GPR135: variants seen among roughly 807,000 people sequenced by gnomAD.
The protein encoded by GPR135 is G protein-coupled receptor 135.
In GPR135, 17 loss-of-function variants were observed where a neutral mutation model predicts 15.0. The ratio of observed to expected loss-of-function variants is 1.13; its 90% CI spans 0.78 to 1.70. The LOEUF (loss-of-function observed/expected upper bound fraction) is 1.70. GPR135 is among the 40% of genes most tolerant of loss of function. The pLI, the probability that GPR135 is intolerant of heterozygous loss-of-function variation, is 0.00. For missense variants in GPR135, 776 were observed against 727.0 expected, an observed-to-expected ratio of 1.07 and a Z score of -0.78; for synonymous variants, 368 against 349.4, an observed-to-expected ratio of 1.05 and a Z score of -0.59.
chr14:59,459,790 G>C (rs185846826), downstream of GPR135, among the ~76,000 whole-genome samples: 349 of 152,342 alleles, frequency 2.3e-3, 1 homozygote, highest in Non-Finnish European at 3.5e-3. Context: ...TCTCAAGTGA[G>C]AGATTACGGC....
rs539885043 is a variant in GPR135 at position 59,464,776 on chromosome 14, G to T, written c.451C>A (p.Leu151Ile). Residue 151 changes from leucine to isoleucine, a missense_variant, in exon 1 of 1, where the codon CTC (leucine) becomes ATC (isoleucine). Physicochemically the swap from Leu to Ile is conservative, Grantham distance 5. Transcript: ENST00000395116. ...FILSLSLSDLLTALLCLPAAF... is the reference protein window; with the variant it reads ...FILSLSLSDLITALLCLPAAF... ...GCGGGCAGGCAGAGCAGCGCCGTGA[G>T]CAGATCCGATAGGGACAGCGACAGG... 5.1e-6 allele frequency: 8 copies of T among 1,572,188 alleles called. No individual in the cohort carries two copies. The South Asian group carries it at 9.3e-5, about 18-fold the overall frequency.
chr14:59,463,582 G>A lies in GPR135; in HGVS notation c.*160C>T, dbSNP rs537368793. 1.5e-6 allele frequency: 1 copy of A among 671,404 alleles called. No homozygotes were observed. Among genetic ancestry groups the A allele is most frequent in the South Asian group, 2.2e-5 (1 of 44,620 alleles). The allele number at this position is 671,404 out of a possible 1,614,324, so 41.6% of individuals were successfully genotyped here. ...ATTCCTTTTGGCACTTTTGAAGAAG[G>A]GACATTGTCTTTTATGTTGTTTGGG... On this transcript the variant is annotated 3_prime_UTR_variant, in exon 1 of 1. Transcript: ENST00000395116.
chr14:59,453,339 T>A (rs1331570936), intron 6 of GPR135, among the ~76,000 whole-genome samples: 1 of 152,138 alleles, frequency 6.6e-6, no homozygotes, highest in Non-Finnish European at 1.5e-5. Flanking sequence ...GGGCAAAGAA[T>A]AAATGGGAAA....
At position 59,462,341 on chromosome 14, in the gene GPR135, G is replaced by A. The variant is rs528307101; in HGVS notation, c.*1401C>T. On this transcript the variant is annotated 3_prime_UTR_variant, in exon 1 of 1. Coordinates refer to ENST00000395116, the MANE Select transcript of GPR135 (RefSeq NM_022571.6). ...TGAGTAAATGATTCTGTGTATAGTC[G>A]TATTTAACATTAGAAAGTTCACATA... The A allele has an allele frequency of 6.5e-4, 99 of 152,252 alleles. No individual in the cohort carries two copies. Among genetic ancestry groups the A allele is most frequent in the Admixed American group, 3.7e-3 (56 of 15,300 alleles). 9.4% of individuals were successfully genotyped at this position (152,252 alleles called of 1,614,324 possible).
intron 6 of GPR135, among the ~76,000 whole-genome samples, chr14:59,454,014 ATAAT>A (rs1279903161): frequency 3.3e-5 from 5 of 152,220 alleles, no homozygotes; most frequent in African/African-American, 1.2e-4. Flanking sequence ...CTATGATGTG[ATAAT>A]TAATATTGAG....
rs1343502048 is a variant in GPR135, at chr14:59,465,043, C to G, written c.184G>C (p.Gly62Arg). Reference protein sequence around the residue: ...LGNLSDASGGGTAAAPGGGGL... With the variant: ...LGNLSDASGGRTAAAPGGGGL... The stretch of plus-strand genomic sequence containing the variant: ...CCGCCACCGGGAGCGGCAGCTGTGC[C>G]GCCTCCGCTTGCGTCGCTCAGGTTC... Residue 62 changes from glycine (G) to arginine (R), a missense_variant, in exon 1 of 1, where the codon GGC becomes CGC. Transcript: ENST00000395116. The G allele has an allele frequency of 7.4e-7, 1 of 1,348,274 alleles. No homozygotes were observed. The highest frequency in any genetic ancestry group is 9.5e-7 in the Non-Finnish European group (1 of 1,052,946). The allele number at this position is 1,348,274 out of a possible 1,614,324, so 83.5% of individuals were successfully genotyped here. A position where few individuals can be genotyped will look rare whatever the true frequency, so the allele number is the denominator to read the frequency against.
At position 59,455,070 on chromosome 14, in the gene GPR135, G is replaced by A. The variant is rs530691299; in HGVS notation, c.*874+614C>T. Among the ~76,000 whole-genome samples the A allele has an allele frequency of 8.6e-5, 13 of 151,862 alleles. No individual in the cohort carries two copies. In the South Asian group the frequency reaches 1.9e-3, roughly 22 times the overall value. On this transcript the variant is annotated intron_variant and NMD_transcript_variant, in intron 6 of 6. Coordinates refer to the GPR135 transcript ENST00000481661. ...AGCCAAGATCGCACCACTGCACTCC[G>A]GCCTGGTGACAGAGTGAGACTCCAT... is the stretch of plus-strand genomic sequence containing the variant.
chr14:59,460,115 T>C (rs903088456), downstream of GPR135, among the ~76,000 whole-genome samples: 2 of 151,994 alleles, frequency 1.3e-5, no homozygotes, highest in Non-Finnish European at 2.9e-5. Context: ...AAGGAGTGAG[T>C]TGACAAGTGA....
downstream of GPR135, among the ~76,000 whole-genome samples, chr14:59,457,136 C>A (rs28684596): frequency 1.3e-5 from 2 of 152,194 alleles, no homozygotes; most frequent in Non-Finnish European, 2.9e-5. Flanking sequence ...TATCCCTCTA[C>A]CTTCCGGCCT....
At chr14:59,458,407 G>A (rs892851335), downstream of GPR135, among the ~76,000 whole-genome samples, 1 of 152,150 alleles carries the variant, frequency 6.6e-6, no homozygotes, top group Admixed American at 6.5e-5. Flanking sequence ...CTGTGGTTTA[G>A]CTTCTATCTC....
At position 59,464,453 on chromosome 14, in the gene GPR135, G is replaced by A. The variant is rs1274887433; in HGVS notation, c.774C>T (p.Ser258=). 3 of 1,554,982 alleles carry A rather than the reference G, an allele frequency of 1.9e-6. No individual in the cohort carries two copies. In the Admixed American group the frequency reaches 5.7e-5, roughly 30 times the overall value. Residue 258 remains serine (S), a synonymous_variant, in exon 1 of 1, where the codon AGC becomes AGT. Coordinates refer to ENST00000395116, the MANE Select transcript of GPR135 (RefSeq NM_022571.6). The stretch of plus-strand genomic sequence containing the variant: ...AGGTCCGGTAGAGGCAGCCGTGGAA[G>A]CTCTGCGCCGCCGCGAGTTCCCGGG... ...GAPRELAAAQ[S]FHGCLYRTSP...
chr14:59,463,995 A>T lies in GPR135; in HGVS notation c.1232T>A (p.Val411Glu). The part of the protein sequence containing the change: ...NREEGYRTRN[V>E]DAFLPSQGPG... ...GCCCTGGCTGGGCAGGAAAGCGTCCACATTCCTAGTCCGGTAGCCCTCCTC... is the reference window on the plus strand; with the variant it reads ...GCCCTGGCTGGGCAGGAAAGCGTCCTCATTCCTAGTCCGGTAGCCCTCCTC... The change falls in exon 1 of 1, where the codon GTG becomes GAG. Residue 411 changes from valine (V) to glutamate (E), a missense_variant. Physicochemically the swap from Val to Glu is moderately radical, Grantham distance 121. Transcript: ENST00000395116. 1 of 1,614,038 alleles carries T rather than the reference A, an allele frequency of 6.2e-7. No individual in the cohort carries two copies. Among genetic ancestry groups the T allele is most frequent in the Non-Finnish European group, 8.5e-7 (1 of 1,180,030 alleles).
chr14:59,456,697 T>G (rs1888667288), downstream of GPR135, among the ~76,000 whole-genome samples: 1 of 152,218 alleles, frequency 6.6e-6, no homozygotes, highest in Admixed American at 6.5e-5. Context: ...AGTATTATTT[T>G]CCAATAGTAT....
At chr14:59,459,249 G>A (rs1888770135), downstream of GPR135, among the ~76,000 whole-genome samples, 1 of 152,152 alleles carries the variant, frequency 6.6e-6, no homozygotes. Flanking sequence ...GTATAATTTT[G>A]ATTTATTGAC....
In GPR135 at chr14:59,463,836, T is replaced by C. The variant is rs752260407; in HGVS notation, c.1391A>G (p.Asn464Ser). The change falls in exon 1 of 1, where the codon AAT becomes AGT. Residue 464 changes from asparagine to serine, a missense_variant. Coordinates refer to ENST00000395116, the MANE Select transcript of GPR135 (RefSeq NM_022571.6). ...CTCTCGGCAGAAAAGTACAACTGGA[T>C]TTTTGCGGGCCCACATGGCCACGTC... Reference protein sequence around the residue: ...AGDVAMWARKNPVVLFCREGP... With the variant: ...AGDVAMWARKSPVVLFCREGP... 3.1e-6 allele frequency: 5 copies of C among 1,614,066 alleles called. No individual in the cohort carries two copies. The South Asian group carries it at 5.5e-5, about 18-fold the overall frequency.
Position 59,464,455 on chromosome 14 carries a change from T to C in GPR135, c.772A>G (p.Ser258Gly). ...GAPRELAAAQ[S>G]FHGCLYRTSP... Reference sequence around the variant, plus strand: ...GTCCGGTAGAGGCAGCCGTGGAAGCTCTGCGCCGCCGCGAGTTCCCGGGGC... The same window carrying C: ...GTCCGGTAGAGGCAGCCGTGGAAGCCCTGCGCCGCCGCGAGTTCCCGGGGC... The change falls in exon 1 of 1, where the codon AGC becomes GGC. Residue 258 changes from serine (S) to glycine (G), a missense_variant. Ser to Gly is a moderately conservative substitution (Grantham distance 56). Coordinates refer to ENST00000395116, the MANE Select transcript of GPR135 (RefSeq NM_022571.6). 1 of 1,555,086 alleles carries C rather than the reference T, an allele frequency of 6.4e-7. No homozygotes were observed. Among genetic ancestry groups the C allele is most frequent in the Non-Finnish European group, 8.7e-7 (1 of 1,154,466 alleles).
chr14:59,460,658 T>G (rs10136708), downstream of GPR135: 31,702 of 152,168 alleles, frequency 0.21, 3,889 homozygotes, highest in South Asian at 0.4. Flanking sequence ...TTAAATGAGC[T>G]AATGCACCTA....
chr14:59,464,569 T>C lies in GPR135; in HGVS notation c.658A>G (p.Lys220Glu). 6.3e-7 allele frequency: 1 copy of C among 1,575,056 alleles called. No homozygotes were observed. Among genetic ancestry groups the C allele is most frequent in the Non-Finnish European group, 8.5e-7 (1 of 1,170,306 alleles). The change falls in exon 1 of 1, where the codon AAG becomes GAG. Residue 220 changes from lysine (K) to glutamate (E), a missense_variant. Lys to Glu is a moderately conservative substitution (Grantham distance 56, BLOSUM62 1). Transcript: ENST00000395116. ...YCAIVRPPRE[K>E]IGRRRALQLL... ...TGCAGCGCGCGGCGGCGGCCGATCT[T>C]CTCCCGCGGCGGCCGCACGATAGCG...
chr14:59,463,722 A>G lies in GPR135; in HGVS notation c.*20T>C, dbSNP rs1473556165. On this transcript the variant is annotated 3_prime_UTR_variant, in exon 1 of 1. Coordinates refer to ENST00000395116, the MANE Select transcript of GPR135 (RefSeq NM_022571.6). ...ATGCGAGTGGAAATTTGCCTTCATA[A>G]GCTGGCCATTCCAACCGTCTTAGAG... 5 of 1,540,808 alleles carry G rather than the reference A, an allele frequency of 3.2e-6. No homozygotes were observed. Among genetic ancestry groups the G allele is most frequent in the Non-Finnish European group, 3.5e-6 (4 of 1,142,674 alleles).
Sources: allele counts gnomAD v4.1 joint callset (sites outside exome capture counted in the v4.1 genomes callset), GRCh38; gene constraint gnomAD v4.1.1; transcripts MANE v1.5; gene names NCBI Gene and HGNC (gene_info 2026-07-23, HGNC 2026-07-21).